GALNT13: variants seen among roughly 807,000 people sequenced by gnomAD.
GALNT13 encodes UDP-GalNAc:polypeptide N-acetylgalactosaminyltransferase 13.
Under a neutral mutation model 64.2 loss-of-function variants are expected in GALNT13, and 28 were observed. The observed-to-expected ratio is 0.44, with a 90% confidence interval of 0.32 to 0.60. GALNT13 has a LOEUF of 0.60. Ranked by LOEUF, GALNT13 falls within the 20% of genes least tolerant of loss-of-function variation. GALNT13 has a pLI of 0.05. For synonymous variants in GALNT13, 214 were observed against 224.6 expected, an observed-to-expected ratio of 0.95 and a Z score of 0.42; for missense variants, 577 against 669.8, an observed-to-expected ratio of 0.86 and a Z score of 1.53.
Position 153,944,514 on chromosome 2 carries a change from A to G in GALNT13, c.17A>G (p.Tyr6Cys), listed in dbSNP as rs767259675. ...AGGAAAGACATGAGGAGATTTGTCT[A>G]CTGCAAGGTGGTTCTAGCCACTTCG... Reference protein sequence around the residue: MRRFVYCKVVLATSLM... With the variant: MRRFVCCKVVLATSLM... Residue 6 changes from tyrosine to cysteine, a missense_variant, in exon 3 of 13, where the codon TAC becomes TGC. Tyr to Cys is a radical substitution (Grantham distance 194). Transcript: ENST00000392825. 3 of 1,613,254 alleles carry G rather than the reference A, an allele frequency of 1.9e-6. No homozygotes were observed. The highest frequency in any genetic ancestry group is 1.7e-4 in the Middle Eastern group (1 of 6,054).
the GALNT13 span, among the ~76,000 whole-genome samples, chr2:153,851,526 A>G: frequency 6.7e-6 from 1 of 149,392 alleles, no homozygotes; most frequent in Non-Finnish European, 1.5e-5. Context: ...ACATAGTGAG[A>G]CCTTGTGTTT....
the GALNT13 span, among the ~76,000 whole-genome samples, chr2:153,408,030 G>A: frequency 6.6e-6 from 1 of 152,210 alleles, no homozygotes; most frequent in African/African-American, 2.4e-5. Context: ...CAACAAAGCA[G>A]CTCTACATCT....
chr2:154,161,521 G>T (rs1178679240), intron 4 of GALNT13, among the ~76,000 whole-genome samples: 1 of 152,120 alleles, frequency 6.6e-6, no homozygotes, highest in Non-Finnish European at 1.5e-5. Context: ...TTCAAATAAA[G>T]AAACCCAGAA....
intron 1 of GALNT13, among the ~76,000 whole-genome samples, chr2:153,872,619 C>CGGGGGGG (rs1218155488): frequency 4.3e-4 from 7 of 16,296 alleles, no homozygotes; most frequent in African/African-American, 9.0e-4. Context: ...TTGTTGGTGG[C>CGGGGGGG]GGGGGGGGGG....
At chr2:154,303,930 G>C in intron 9 of GALNT13, among the ~76,000 whole-genome samples, 1 of 151,962 alleles carries the variant, frequency 6.6e-6, no homozygotes, top group Non-Finnish European at 1.5e-5. Context: ...GCTAATTTTT[G>C]TATTTTTACT....
chr2:154,208,659 T>C (rs1687604109), intron 4 of GALNT13, among the ~76,000 whole-genome samples: 1 of 141,912 alleles, frequency 7.0e-6, no homozygotes, highest in South Asian at 2.2e-4. Flanking sequence ...TGTGTGTGTG[T>C]GTGTGTGTGT....
At chr2:153,070,282 ATGAT>A in the GALNT13 span, among the ~76,000 whole-genome samples, 3 of 152,160 alleles carry the variant, frequency 2.0e-5, no homozygotes, top group Non-Finnish European at 4.4e-5. Flanking sequence ...AGATAGGAAA[ATGAT>A]TGATTGGTGG....
the GALNT13 span, among the ~76,000 whole-genome samples, chr2:153,747,378 C>G: frequency 1.4e-5 from 2 of 146,618 alleles, no homozygotes; most frequent in African/African-American, 5.1e-5. Flanking sequence ...TTCCCAGCCT[C>G]TGGTAATCAT....
At chr2:154,417,521 A>ATTTTTTTTT (rs1238225224) in intron 11 of GALNT13, among the ~76,000 whole-genome samples, 3,368 of 138,894 alleles carry the variant, frequency 0.024, 167 homozygotes, top group African/African-American at 0.084. Flanking sequence ...TTATTTATTT[A>ATTTTTTTTT]TTTTTTTGAG....
intron 4 of GALNT13, among the ~76,000 whole-genome samples, chr2:154,208,506 A>G (rs902215459): frequency 6.6e-6 from 1 of 152,096 alleles, no homozygotes; most frequent in Non-Finnish European, 1.5e-5. Flanking sequence ...TCTGGAGCTC[A>G]GGTTGTTTCC....
chr2:153,496,993 C>CAAAAAAAAAAAAAAAAAA, the GALNT13 span, among the ~76,000 whole-genome samples: 3 of 90,892 alleles, frequency 3.3e-5, no homozygotes, highest in Non-Finnish European at 4.5e-5. Context: ...GATTTTGTCT[C>CAAAAAAAAAAAAAAAAAA]AAAAAAAAAA....
At chr2:153,907,128 T>C (rs1688620441) in intron 2 of GALNT13, among the ~76,000 whole-genome samples, 1 of 151,962 alleles carries the variant, frequency 6.6e-6, no homozygotes, top group South Asian at 2.1e-4. Context: ...TTGAGTTCAT[T>C]GTAGATTCTG....
chr2:153,548,984 A>G, the GALNT13 span, among the ~76,000 whole-genome samples: 35 of 152,188 alleles, frequency 2.3e-4, no homozygotes, highest in African/African-American at 4.1e-4. Context: ...TGAAAACATT[A>G]TGCCAAGTAA....
rs567889020 is a variant in GALNT13, at chr2:154,070,473, A to G, written c.143-69864A>G. ...AAAAAACACATATGGATGAAATATTATGGAGCTGGTGTCTTTTAGTGAAGA... is the reference window on the plus strand; with the variant it reads ...AAAAAACACATATGGATGAAATATTGTGGAGCTGGTGTCTTTTAGTGAAGA... On this transcript the variant is annotated intron_variant, in intron 3 of 12. Transcript: ENST00000392825. Among the ~76,000 whole-genome samples the G allele has an allele frequency of 1.6e-4, 24 of 152,286 alleles. No homozygotes were observed. In the South Asian group the frequency reaches 3.9e-3, roughly 25 times the overall value.
At chr2:153,541,315 G>A in the GALNT13 span, among the ~76,000 whole-genome samples, 1 of 152,080 alleles carries the variant, frequency 6.6e-6, no homozygotes. Flanking sequence ...AGTTTCCTGA[G>A]GCTTCCCTAA....
chr2:153,989,396 T>A (rs922604386), intron 3 of GALNT13, among the ~76,000 whole-genome samples: 11 of 151,920 alleles, frequency 7.2e-5, no homozygotes, highest in African/African-American at 2.7e-4. Context: ...ATTAATTATC[T>A]ATATTCCCTC....
At chr2:154,104,223 G>T (rs1702493310) in intron 3 of GALNT13, among the ~76,000 whole-genome samples, 1 of 151,796 alleles carries the variant, frequency 6.6e-6, no homozygotes. Flanking sequence ...GGTGGGGAGG[G>T]GTGTGGCGGG....
intron 8 of GALNT13, among the ~76,000 whole-genome samples, chr2:154,276,508 T>A (rs1362603863): frequency 2.0e-5 from 3 of 152,162 alleles, no homozygotes; most frequent in Admixed American, 1.3e-4. Flanking sequence ...AGTGCTGGCA[T>A]TAAAGGCATG....
chr2:153,936,597 G>A (rs781677623), intron 2 of GALNT13, among the ~76,000 whole-genome samples: 7 of 152,062 alleles, frequency 4.6e-5, no homozygotes, highest in South Asian at 2.1e-4. Flanking sequence ...TCTTATTCCC[G>A]CCATCCCTTC....
Sources: allele counts gnomAD v4.1 joint callset (sites outside exome capture counted in the v4.1 genomes callset), GRCh38; gene constraint gnomAD v4.1.1; transcripts MANE v1.5; gene names NCBI Gene and HGNC (gene_info 2026-07-23, HGNC 2026-07-21).